The following SBF2 variants were observed in gnomAD, a reference collection of about 807,000 sequenced individuals.
SBF2 encodes the protein SET binding factor 2, also known as myotubularin-related protein 13.
SBF2 carries 112 observed loss-of-function variants against 225.2 expected under a neutral mutation model. That is an observed-to-expected ratio of 0.50 (90% CI 0.43 to 0.58). SBF2 has a LOEUF of 0.58. SBF2 is among the 20% of genes least tolerant of loss of function. SBF2 has a pLI of 0.00. For missense variants in SBF2, 1,996 were observed against 2,206.2 expected (o/e 0.90, Z 1.91); for synonymous variants, 763 against 773.3 (o/e 0.99, Z 0.22).
At chr11:10,001,161 A>C (rs892208207) in intron 7 of SBF2, 139 bp from the exon 8 acceptor site, 24 of 609,392 alleles carry the variant, frequency 3.9e-5, no homozygotes, top group Non-Finnish European at 5.9e-5. Flanking sequence ...TTAATACTAA[A>C]ATTTTGGAAA....
chr11:9,940,400 G>A (rs560654796), intron 16 of SBF2, among the ~76,000 whole-genome samples: 2 of 152,106 alleles, frequency 1.3e-5, no homozygotes, highest in South Asian at 4.2e-4. Context: ...GCGAGACTCT[G>A]CCTCAAAAAA....
intron 1 of SBF2, among the ~76,000 whole-genome samples, chr11:10,266,173 A>G (rs941677657): frequency 4.6e-5 from 7 of 152,200 alleles, no homozygotes; most frequent in African/African-American, 1.4e-4. Context: ...TAGTTAAATG[A>G]TTTGTCCACA....
At chr11:10,071,815 T>C (rs1400136724) in intron 2 of SBF2, among the ~76,000 whole-genome samples, 3 of 152,206 alleles carry the variant, frequency 2.0e-5, no homozygotes, top group Non-Finnish European at 4.4e-5. Context: ...TTTGCATATG[T>C]TGAACCAGCC....
At chr11:9,940,018 C>T (rs574376682) in intron 16 of SBF2, among the ~76,000 whole-genome samples, 55 of 152,128 alleles carry the variant, frequency 3.6e-4, no homozygotes, top group African/African-American at 1.3e-3. Flanking sequence ...TGAAGTAATT[C>T]GGTTTCAACA....
rs556887470 is a variant in SBF2, at chr11:9,808,200, G to A, written c.4258-15C>T. 1 of 1,610,510 alleles carries A rather than the reference G, an allele frequency of 6.2e-7. No individual in the cohort carries two copies. The highest frequency in any genetic ancestry group is 1.3e-5 in the African/African-American group (1 of 75,008). On this transcript the variant is annotated splice_polypyrimidine_tract_variant and intron_variant, in intron 31 of 39. Transcript: ENST00000256190. ...AGGGATGTCACCTAGGGCATAAGCA[G>A]GATGGATTGTCATTAATTTTAGTTC...
At chr11:9,987,869 A>G (rs1355559396) in intron 13 of SBF2, among the ~76,000 whole-genome samples, 1 of 152,206 alleles carries the variant, frequency 6.6e-6, no homozygotes, top group African/African-American at 2.4e-5. Context: ...ATTCAATGCA[A>G]TCCTCATCGG....
chr11:10,193,347 T>A (rs1019236795), intron 2 of SBF2, among the ~76,000 whole-genome samples: 5 of 145,246 alleles, frequency 3.4e-5, no homozygotes, highest in Non-Finnish European at 7.5e-5. Context: ...ATCATCAATT[T>A]CATCTTTTTT....
intron 2 of SBF2, among the ~76,000 whole-genome samples, chr11:10,124,834 G>C (rs1953665172): frequency 1.3e-5 from 2 of 152,090 alleles, no homozygotes; most frequent in Admixed American, 1.3e-4. Context: ...GCTGGGCGTG[G>C]TGGTTCACGC....
At chr11:9,874,547 A>G (rs896345043) in intron 17 of SBF2, among the ~76,000 whole-genome samples, 2 of 152,192 alleles carry the variant, frequency 1.3e-5, no homozygotes, top group Non-Finnish European at 2.9e-5. Context: ...TAAAGACTCA[A>G]ATTGTAGGAT....
chr11:10,157,865 T>A (rs1451865338), intron 2 of SBF2, among the ~76,000 whole-genome samples: 1 of 152,122 alleles, frequency 6.6e-6, no homozygotes, highest in Admixed American at 6.5e-5. Flanking sequence ...ATACAGAACA[T>A]TCCACCCAAC....
At chr11:10,270,971 G>T (rs111329037) in intron 1 of SBF2, among the ~76,000 whole-genome samples, 1 of 140,338 alleles carries the variant, frequency 7.1e-6, no homozygotes, top group African/African-American at 2.7e-5. Flanking sequence ...CTCCAGCCTG[G>T]GCGACAGAGC....
chr11:10,297,249 G>A (rs1964557386), upstream of SBF2, among the ~76,000 whole-genome samples: 1 of 150,758 alleles, frequency 6.6e-6, no homozygotes, highest in African/African-American at 2.4e-5. Flanking sequence ...ATGTAGAGAT[G>A]TTGTATCATG....
In SBF2 at chr11:9,856,675, G is replaced by C; in HGVS notation, c.2146C>G (p.Leu716Val). 1 of 1,614,060 alleles carries C rather than the reference G, an allele frequency of 6.2e-7. No individual in the cohort carries two copies. The highest frequency in any genetic ancestry group is 8.5e-7 in the Non-Finnish European group (1 of 1,179,992). Residue 716 changes from leucine to valine, a missense_variant, in exon 19 of 40, where the codon CTG (leucine) becomes GTG (valine). Transcript: ENST00000256190. Reference protein sequence around the residue: ...DHYQEKTAMDLAAEQLRLWPT... With the variant: ...DHYQEKTAMDVAAEQLRLWPT... ...CAAAGGCGTAGTTGCTCAGCTGCCA[G>C]GTCCATTGCTGTCTTCTCCTGATAA...
chr11:10,024,693 A>T (rs1361360051), intron 6 of SBF2, among the ~76,000 whole-genome samples: 5 of 151,782 alleles, frequency 3.3e-5, no homozygotes, highest in Non-Finnish European at 7.4e-5. Flanking sequence ...TGCAAGCTCC[A>T]CTCTTCCCTC....
intron 27 of SBF2, among the ~76,000 whole-genome samples, chr11:9,830,884 T>C (rs1423954550): frequency 3.3e-5 from 5 of 152,216 alleles, no homozygotes; most frequent in African/African-American, 1.2e-4. Context: ...CAGCAACCAG[T>C]GGAATAAGTT....
intron 2 of SBF2, among the ~76,000 whole-genome samples, chr11:10,097,297 C>A (rs112331484): frequency 6.6e-6 from 1 of 152,176 alleles, no homozygotes; most frequent in South Asian, 2.1e-4. Context: ...GTGGATTTCC[C>A]GGCCTTGAGA....
At chr11:10,233,959 C>T (rs1156365389) in intron 1 of SBF2, among the ~76,000 whole-genome samples, 5 of 152,170 alleles carry the variant, frequency 3.3e-5, no homozygotes, top group African/African-American at 1.2e-4. Flanking sequence ...TAATCCTTCA[C>T]AGTCATTGTT....
At chr11:9,791,980 C>T (rs1031703591) in intron 33 of SBF2, among the ~76,000 whole-genome samples, 5 of 152,160 alleles carry the variant, frequency 3.3e-5, no homozygotes, top group Non-Finnish European at 7.3e-5. Context: ...GCAACATGTA[C>T]ACATATAAGG....
chr11:10,156,874 A>G (rs1319257847), intron 2 of SBF2, among the ~76,000 whole-genome samples: 1 of 152,210 alleles, frequency 6.6e-6, no homozygotes, highest in African/African-American at 2.4e-5. Context: ...TGCTATGCCT[A>G]TTAAACTACC....
Sources: allele counts gnomAD v4.1 joint callset (sites outside exome capture counted in the v4.1 genomes callset), GRCh38; gene constraint gnomAD v4.1.1; transcripts MANE v1.5; gene names NCBI Gene and HGNC (gene_info 2026-07-23, HGNC 2026-07-21).